The following ENPEP variants were observed in gnomAD, a reference collection of about 807,000 sequenced individuals.
The protein encoded by ENPEP is glutamyl aminopeptidase.
Under a neutral mutation model 114.5 loss-of-function variants are expected in ENPEP, and 103 were observed. The ratio of observed to expected loss-of-function variants is 0.90; its 90% CI spans 0.77 to 1.06. The LOEUF (loss-of-function observed/expected upper bound fraction) is 1.06. ENPEP is among the 50% of genes least tolerant of loss of function. The probability of loss-of-function intolerance (pLI) is 0.00; values close to 1 mark genes in which losing one functional copy is unlikely to be tolerated. For missense variants in ENPEP, 1,196 were observed against 1,161.3 expected (o/e 1.03, Z -0.43); for synonymous variants, 420 against 422.0 (o/e 1.00, Z 0.06).
chr4:110,517,732 G>T (rs1725833966), intron 8 of ENPEP, among the ~76,000 whole-genome samples: 1 of 152,158 alleles, frequency 6.6e-6, no homozygotes. Flanking sequence ...ATGAAGAATA[G>T]ATATTAATAT....
intron 10 of ENPEP, among the ~76,000 whole-genome samples, chr4:110,522,400 C>G (rs540640410): frequency 6.6e-6 from 1 of 152,080 alleles, no homozygotes; most frequent in Admixed American, 6.6e-5. Flanking sequence ...CCAGGATGGT[C>G]TTGATCTTCT....
chr4:110,511,963 C>A (rs773617954), intron 6 of ENPEP, among the ~76,000 whole-genome samples: 3 of 152,034 alleles, frequency 2.0e-5, no homozygotes, highest in Non-Finnish European at 4.4e-5. Flanking sequence ...GGGGTTTTGC[C>A]ATGATGGCCA....
At position 110,476,410 on chromosome 4, in the gene ENPEP, C is replaced by CA. The variant is rs1219001608; in HGVS notation, c.1dup. The CA allele has an allele frequency of 1.3e-6, 2 of 1,510,706 alleles. No homozygotes were observed. Among genetic ancestry groups the CA allele is most frequent in the East Asian group, 4.6e-5 (2 of 43,778 alleles). 93.6% of individuals were successfully genotyped at this position (1,510,706 alleles called of 1,614,324 possible). A position where few individuals can be genotyped will look rare whatever the true frequency, so the allele number is the denominator to read the frequency against. ...TATGTGTAACACTTGACTTTGGAAG[C>CA]AAAAATGAACTTTGCGGAGAGAGAG... On this transcript the variant is annotated 5_prime_UTR_variant, in exon 1 of 20. Transcript: ENST00000265162.
chr4:110,501,831 A>T (rs1725168130), intron 3 of ENPEP, among the ~76,000 whole-genome samples: 1 of 152,168 alleles, frequency 6.6e-6, no homozygotes, highest in Non-Finnish European at 1.5e-5. Context: ...ATCATTTGGT[A>T]ATTCTGCTTT....
intron 3 of ENPEP, among the ~76,000 whole-genome samples, chr4:110,492,758 C>G (rs1335261350): frequency 2.0e-5 from 3 of 152,154 alleles, no homozygotes; most frequent in Non-Finnish European, 4.4e-5. Flanking sequence ...TGGCATTCCT[C>G]TTGCTTAATA....
intron 11 of ENPEP, among the ~76,000 whole-genome samples, chr4:110,535,535 A>C (rs2110379333): frequency 6.6e-6 from 1 of 152,352 alleles, no homozygotes; most frequent in South Asian, 2.1e-4. Flanking sequence ...GCCCTAGTCA[A>C]CCAAGTCTTG....
At chr4:110,486,050 T>A (rs550856475) in intron 1 of ENPEP, among the ~76,000 whole-genome samples, 20 of 152,256 alleles carry the variant, frequency 1.3e-4, no homozygotes, top group South Asian at 8.3e-4. Flanking sequence ...CTCACCAAAC[T>A]TTCACCCCCT....
chr4:110,509,193 C>T (rs929095490), intron 4 of ENPEP, among the ~76,000 whole-genome samples: 39 of 152,266 alleles, frequency 2.6e-4, no homozygotes, highest in African/African-American at 8.9e-4. Context: ...GTATTTCTAT[C>T]AATATTTTAT....
Position 110,477,008 on chromosome 4 carries a change from C to T in ENPEP, c.594C>T (p.Gly198=). 2 of 1,614,210 alleles carry T rather than the reference C, an allele frequency of 1.2e-6. No homozygotes were observed. Among genetic ancestry groups the T allele is most frequent in the Non-Finnish European group, 1.7e-6 (2 of 1,180,050 alleles). The change falls in exon 1 of 20, where the codon GGC becomes GGT. Residue 198 remains glycine (G), a synonymous_variant. Coordinates refer to ENST00000265162, the MANE Select transcript of ENPEP (RefSeq NM_001977.4). ...LTMEFAGWLN[G]SLVGFYRTTY... ...TGGAGTTCGCCGGCTGGCTGAACGGCTCCCTCGTGGGATTTTATAGAACCA... is the reference window on the plus strand; with the variant it reads ...TGGAGTTCGCCGGCTGGCTGAACGGTTCCCTCGTGGGATTTTATAGAACCA...
At chr4:110,546,472 G>A (rs1048489903) in intron 13 of ENPEP, among the ~76,000 whole-genome samples, 35 of 151,988 alleles carry the variant, frequency 2.3e-4, no homozygotes, top group Middle Eastern at 3.2e-3. Context: ...ACAAGGCTGC[G>A]TGGGGGCAGG....
chr4:110,485,234 A>G (rs1724459444), intron 1 of ENPEP, among the ~76,000 whole-genome samples: 1 of 152,216 alleles, frequency 6.6e-6, no homozygotes, highest in African/African-American at 2.4e-5. Flanking sequence ...TAATGTCACA[A>G]AACTAATCAA....
At chr4:110,548,138 AGTTT>A in intron 13 of ENPEP, 34 bp from the exon 14 acceptor site, 8 of 1,102,960 alleles carry the variant, frequency 7.3e-6, no homozygotes, top group Admixed American at 6.2e-5. Flanking sequence ...ATTAACTGTG[AGTTT>A]TTTTTTTTTT....
At chr4:110,536,297 G>T (rs1452382577) in intron 11 of ENPEP, among the ~76,000 whole-genome samples, 1 of 152,084 alleles carries the variant, frequency 6.6e-6, no homozygotes, top group Admixed American at 6.6e-5. Context: ...CAGTCTAAAG[G>T]AGATATTCCT....
At chr4:110,545,948 C>A (rs1018556970) in intron 13 of ENPEP, among the ~76,000 whole-genome samples, 1 of 152,012 alleles carries the variant, frequency 6.6e-6, no homozygotes, top group South Asian at 2.1e-4. Flanking sequence ...TGTCAGACAC[C>A]AAGCCACGGT....
chr4:110,558,678 G>A (rs1253060892), intron 18 of ENPEP, among the ~76,000 whole-genome samples: 2 of 152,062 alleles, frequency 1.3e-5, no homozygotes, highest in African/African-American at 2.4e-5. Flanking sequence ...AGGGGTTTAA[G>A]GTTTATATAT....
chr4:110,491,718 C>CTTTT (rs970695793), intron 3 of ENPEP, among the ~76,000 whole-genome samples: 167 of 65,992 alleles, frequency 2.5e-3, no homozygotes, highest in Non-Finnish European at 3.7e-3. Context: ...TTCTTTCTTT[C>CTTTT]TTTTTTTTTT....
intron 2 of ENPEP, among the ~76,000 whole-genome samples, chr4:110,489,831 T>C (rs1324530631): frequency 6.6e-6 from 1 of 152,202 alleles, no homozygotes; most frequent in African/African-American, 2.4e-5. Flanking sequence ...TCTCCCATCT[T>C]TCTGATCCAC....
chr4:110,509,157 A>G (rs1162159014), intron 4 of ENPEP, among the ~76,000 whole-genome samples: 1 of 152,210 alleles, frequency 6.6e-6, no homozygotes, highest in Non-Finnish European at 1.5e-5. Flanking sequence ...TTAATACATA[A>G]AAGCGGATGA....
At position 110,561,759 on chromosome 4, in the gene ENPEP, A is replaced by G. The variant is rs1052200255; in HGVS notation, c.*201A>G. The G allele has an allele frequency of 2.2e-6, 1 of 463,266 alleles. No homozygotes were observed. The highest frequency in any genetic ancestry group is 3.8e-6 in the Non-Finnish European group (1 of 266,376). The allele number at this position is 463,266 out of a possible 1,614,324, so 28.7% of individuals were successfully genotyped here. On this transcript the variant is annotated 3_prime_UTR_variant, in exon 20 of 20. Coordinates refer to ENST00000265162, the MANE Select transcript of ENPEP (RefSeq NM_001977.4). The stretch of plus-strand genomic sequence containing the variant: ...AAGATACTAATAGAGTACTTAATAT[A>G]CTCAGGGATTCCTTCTAAGTGTACT...
Sources: gnomAD v4.1 joint callset for allele counts (sites outside exome capture counted in the v4.1 genomes callset) on GRCh38, gnomAD v4.1.1 for gene constraint, MANE v1.5 for transcripts, NCBI Gene and HGNC (gene_info 2026-07-23, HGNC 2026-07-21) for gene names.